NRG3: variants seen among roughly 807,000 people sequenced by gnomAD.
NRG3 encodes pro-neuregulin-3, membrane-bound isoform.
NRG3 carries 31 observed loss-of-function variants against 66.9 expected under a neutral mutation model. The ratio of observed to expected loss-of-function variants is 0.46; its 90% confidence interval spans 0.35 to 0.63. The LOEUF is 0.63. NRG3 is among the 20% of genes least tolerant of loss of function. NRG3 has a pLI of 0.00. For missense variants in NRG3, 910 were observed against 878.9 expected, an observed-to-expected ratio of 1.04 and a Z score of -0.45; for synonymous variants, 393 against 359.4, an observed-to-expected ratio of 1.09 and a Z score of -1.06.
chr10:82,618,106 C>T (rs772101070), intron 2 of NRG3, among the ~76,000 whole-genome samples: 3 of 152,080 alleles, frequency 2.0e-5, no homozygotes, highest in South Asian at 2.1e-4. Context: ...TCTCTAACAG[C>T]CCTAGCATTA....
intron 1 of NRG3, among the ~76,000 whole-genome samples, chr10:82,063,017 G>C (rs2064247159): frequency 6.6e-6 from 1 of 151,972 alleles, no homozygotes. Flanking sequence ...TTAGTGTTAG[G>C]GTACATAACA....
At chr10:82,266,498 T>A (rs1414144380) in intron 1 of NRG3, among the ~76,000 whole-genome samples, 1 of 152,112 alleles carries the variant, frequency 6.6e-6, no homozygotes, top group East Asian at 1.9e-4. Flanking sequence ...AGGACTGAGA[T>A]TCTCAACAGT....
chr10:81,984,718 T>C (rs543212846), intron 1 of NRG3, among the ~76,000 whole-genome samples: 2 of 152,346 alleles, frequency 1.3e-5, no homozygotes, highest in Non-Finnish European at 2.9e-5. Context: ...GAATATATTT[T>C]CTTGAAAAAT....
intron 1 of NRG3, among the ~76,000 whole-genome samples, chr10:81,942,019 T>C (rs574996397): frequency 5.3e-5 from 8 of 152,270 alleles, no homozygotes; most frequent in Middle Eastern, 6.8e-3. Context: ...GATCTTCTCA[T>C]CCTTTTCCTT....
intron 1 of NRG3, among the ~76,000 whole-genome samples, chr10:81,988,452 T>C (rs2060609545): frequency 6.6e-6 from 1 of 152,170 alleles, no homozygotes; most frequent in South Asian, 2.1e-4. Context: ...GTTTTCATGG[T>C]TATTGTTATT....
chr10:82,618,984 T>C (rs2048854348), intron 2 of NRG3, among the ~76,000 whole-genome samples: 1 of 151,930 alleles, frequency 6.6e-6, no homozygotes, highest in South Asian at 2.1e-4. Flanking sequence ...GATAAAGGTG[T>C]AATCATGTAT....
chr10:82,968,650 A>AG lies in NRG3; in HGVS notation c.1285-5136dup, dbSNP rs1307376582. Among the ~76,000 whole-genome samples, 5 of 110,382 alleles carry AG rather than the reference A, an allele frequency of 4.5e-5. No homozygotes were observed. The East Asian group carries it at 1.1e-3, about 24-fold the overall frequency. 72.4% of individuals were successfully genotyped at this position (110,382 alleles called of 152,430 possible). A position where few individuals can be genotyped will look rare whatever the true frequency, so the allele number is the denominator to read the frequency against. ...AGGCTTTTTGACAAGGAAGGAAGGG[A>AG]GGAAGGGAGGCAGGGAGGGAGGGAG... On this transcript the variant is annotated intron_variant, in intron 6 of 8. Transcript: ENST00000372141.
At chr10:82,532,278 A>G (rs1287561890) in intron 2 of NRG3, among the ~76,000 whole-genome samples, 2 of 151,574 alleles carry the variant, frequency 1.3e-5, no homozygotes, top group Non-Finnish European at 1.5e-5. Flanking sequence ...TAGACACCTC[A>G]TATAAGTGAA....
At chr10:82,894,534 T>C (rs1015817912) in intron 4 of NRG3, among the ~76,000 whole-genome samples, 1 of 143,066 alleles carries the variant, frequency 7.0e-6, no homozygotes, top group Non-Finnish European at 1.5e-5. Context: ...CAGGTTAATA[T>C]GTCATTTTTC....
chr10:82,910,997 A>G (rs1290286040), intron 4 of NRG3, among the ~76,000 whole-genome samples: 1 of 152,220 alleles, frequency 6.6e-6, no homozygotes, highest in East Asian at 1.9e-4. Context: ...ACTTTAAAAT[A>G]TTGATTAATG....
chr10:82,239,277 T>C (rs979133677), intron 1 of NRG3, among the ~76,000 whole-genome samples: 2 of 152,166 alleles, frequency 1.3e-5, no homozygotes, highest in Non-Finnish European at 2.9e-5. Context: ...AGTCTTGCCC[T>C]GTTACCCAGG....
chr10:82,667,621 A>T (rs936415174), intron 2 of NRG3, among the ~76,000 whole-genome samples: 21 of 152,136 alleles, frequency 1.4e-4, no homozygotes, highest in African/African-American at 5.1e-4. Context: ...ACTTGAGAGG[A>T]GGTGAAAGTA....
chr10:82,652,558 C>T (rs1007844927), intron 2 of NRG3, among the ~76,000 whole-genome samples: 6 of 152,194 alleles, frequency 3.9e-5, no homozygotes, highest in Non-Finnish European at 8.8e-5. Context: ...TAGCCTCCAA[C>T]ATCTAGCTGC....
At chr10:81,939,255 T>A (rs1260825134) in intron 1 of NRG3, among the ~76,000 whole-genome samples, 3 of 152,010 alleles carry the variant, frequency 2.0e-5, no homozygotes, top group Admixed American at 6.6e-5. Context: ...CTTTGTCTTG[T>A]TTTGGTATTA....
At chr10:82,873,594 G>A (rs186473201) in intron 4 of NRG3, among the ~76,000 whole-genome samples, 6 of 152,306 alleles carry the variant, frequency 3.9e-5, no homozygotes, top group African/African-American at 1.4e-4. Flanking sequence ...GCTACTGTGT[G>A]TGAAATGTAT....
Position 82,965,475 on chromosome 10 carries a change from C to T in NRG3, c.1284+6400C>T, listed in dbSNP as rs936328896. Among the ~76,000 whole-genome samples the T allele has an allele frequency of 1.7e-4, 26 of 152,216 alleles. 1 individual carries two copies. Among genetic ancestry groups the T allele is most frequent in the African/African-American group, 4.8e-4 (20 of 41,538 alleles). On this transcript the variant is annotated intron_variant, in intron 6 of 8. Transcript: ENST00000372141. ...TTTGGGCTGGGCACTGTGGTTCACA[C>T]GTATGATCCCAGCACTTTGGAAGGC...
chr10:82,049,750 C>A (rs746520024), intron 1 of NRG3, among the ~76,000 whole-genome samples: 3 of 151,864 alleles, frequency 2.0e-5, no homozygotes, highest in Non-Finnish European at 4.4e-5. Context: ...ATTTCTGTCT[C>A]ATATCAATAG....
At chr10:82,066,230 T>A (rs1487910022) in intron 1 of NRG3, among the ~76,000 whole-genome samples, 1 of 151,710 alleles carries the variant, frequency 6.6e-6, no homozygotes, top group Non-Finnish European at 1.5e-5. Context: ...CTTGGGAATA[T>A]TCTTAGTACA....
At position 82,716,351 on chromosome 10, in the gene NRG3, G is replaced by GC. The variant is rs1437857882; in HGVS notation, c.954-22221dup. ...ACTTCCCCGTGAACCTAGTTGTTTT[G>GC]CCCCCACACCCAATCCCCACCCACT... is the stretch of plus-strand genomic sequence containing the variant. On this transcript the variant is annotated intron_variant, in intron 2 of 8. Coordinates refer to ENST00000372141, the MANE Select transcript of NRG3 (RefSeq NM_001010848.4). Among the ~76,000 whole-genome samples, 11 of 151,962 alleles carry GC rather than the reference G, an allele frequency of 7.2e-5. No homozygotes were observed. The South Asian group carries it at 2.3e-3, about 32-fold the overall frequency.
Sources: allele counts gnomAD v4.1 joint callset (sites outside exome capture counted in the v4.1 genomes callset), GRCh38; gene constraint gnomAD v4.1.1; transcripts MANE v1.5; gene names NCBI Gene and HGNC (gene_info 2026-07-23, HGNC 2026-07-21).